NRG1: variants seen among roughly 807,000 people sequenced by gnomAD.
NRG1 encodes the protein pro-neuregulin-1, membrane-bound isoform.
NRG1 carries 18 observed loss-of-function variants against 63.8 expected under a neutral mutation model. That is an observed-to-expected ratio of 0.28 (90% CI 0.19 to 0.42). NRG1 has a LOEUF of 0.42. Among genes scored for constraint, NRG1 ranks in the 10% least tolerant of loss-of-function variants. NRG1 has a pLI of 1.00. For synonymous variants in NRG1, 302 were observed against 301.3 expected (o/e 1.00, Z -0.02); for missense variants, 762 against 814.7 (o/e 0.94, Z 0.79).
intron 1 of NRG1, among the ~76,000 whole-genome samples, chr8:31,954,355 A>T (rs541586254): frequency 1.3e-5 from 2 of 152,308 alleles, no homozygotes; most frequent in South Asian, 4.1e-4. Context: ...TACTGGAGAG[A>T]GAGGTTGAAG....
At chr8:32,493,932 T>G (rs1826897734) in intron 1 of NRG1, among the ~76,000 whole-genome samples, 1 of 152,198 alleles carries the variant, frequency 6.6e-6, no homozygotes, top group Non-Finnish European at 1.5e-5. Flanking sequence ...AGAAGAAATA[T>G]TAAAGGTGTT....
chr8:32,747,158 T>G (rs762447263), intron 7 of NRG1, among the ~76,000 whole-genome samples: 2 of 152,162 alleles, frequency 1.3e-5, no homozygotes, highest in South Asian at 4.1e-4. Context: ...TGCATGGGCA[T>G]GCTACTAATT....
chr8:31,861,563 G>A (rs1310362836), intron 1 of NRG1, among the ~76,000 whole-genome samples: 1 of 152,112 alleles, frequency 6.6e-6, no homozygotes, highest in African/African-American at 2.4e-5. Flanking sequence ...TTCTCACATA[G>A]GGGTCATCAC....
At chr8:31,892,821 C>T (rs571048630) in intron 1 of NRG1, among the ~76,000 whole-genome samples, 5 of 151,914 alleles carry the variant, frequency 3.3e-5, no homozygotes, top group Admixed American at 6.6e-5. Flanking sequence ...TTTAAGCTAA[C>T]GTATTTACTT....
chr8:31,954,846 G>A (rs1479747408), intron 1 of NRG1, among the ~76,000 whole-genome samples: 1 of 152,074 alleles, frequency 6.6e-6, no homozygotes, highest in African/African-American at 2.4e-5. Context: ...AGGTCTCTAG[G>A]CGTTCTAATT....
At chr8:32,321,848 T>C (rs1350128905) in intron 1 of NRG1, among the ~76,000 whole-genome samples, 2 of 65,146 alleles carry the variant, frequency 3.1e-5, no homozygotes, top group African/African-American at 1.2e-4. Flanking sequence ...TTTTGTTTCT[T>C]TGATTTTTTT....
At chr8:32,511,400 A>ATATATATAT (rs1554567530) in intron 1 of NRG1, among the ~76,000 whole-genome samples, 1 of 108,564 alleles carries the variant, frequency 9.2e-6, no homozygotes, top group Non-Finnish European at 2.1e-5. Flanking sequence ...TATATATATA[A>ATATATATAT]ATAAAATAAA....
intron 6 of NRG1, among the ~76,000 whole-genome samples, chr8:32,730,709 G>A (rs1178182652): frequency 6.6e-6 from 1 of 152,056 alleles, no homozygotes; most frequent in Non-Finnish European, 1.5e-5. Flanking sequence ...TAGCAAATTG[G>A]GATGAACCAG....
At chr8:31,769,393 TTCAAGAGGG>T (rs958619720) in intron 1 of NRG1, among the ~76,000 whole-genome samples, 6 of 152,164 alleles carry the variant, frequency 3.9e-5, no homozygotes, top group African/African-American at 1.4e-4. Context: ...AAAGACAGTT[TTCAAGAGGG>T]CATGGCTTCT....
chr8:32,027,474 C>T (rs1242072262), intron 1 of NRG1, among the ~76,000 whole-genome samples: 9 of 138,740 alleles, frequency 6.5e-5, no homozygotes, highest in Non-Finnish European at 1.4e-4. Flanking sequence ...CCTTCCCTCC[C>T]TCCCTCCCTC....
At chr8:31,782,493 G>A (rs996878079) in intron 1 of NRG1, among the ~76,000 whole-genome samples, 1 of 152,104 alleles carries the variant, frequency 6.6e-6, no homozygotes, top group African/African-American at 2.4e-5. Context: ...TGAAGACAGA[G>A]GCTTTATTCC....
At chr8:31,968,782 G>A (rs536997717) in intron 1 of NRG1, among the ~76,000 whole-genome samples, 1 of 152,228 alleles carries the variant, frequency 6.6e-6, no homozygotes, top group African/African-American at 2.4e-5. Flanking sequence ...TTTAGTTTGA[G>A]GGATATGCCA....
intron 4 of NRG1, among the ~76,000 whole-genome samples, chr8:32,615,928 G>A (rs1348691561): frequency 6.6e-6 from 1 of 151,912 alleles, no homozygotes; most frequent in Non-Finnish European, 1.5e-5. Flanking sequence ...TCATTTACAC[G>A]TTTCTGTAAT....
At chr8:31,672,446 C>T (rs1388339375) in intron 1 of NRG1, among the ~76,000 whole-genome samples, 1 of 152,108 alleles carries the variant, frequency 6.6e-6, no homozygotes, top group East Asian at 1.9e-4. Flanking sequence ...ACAAAAGATT[C>T]CTGTGAAGTG....
At chr8:32,249,771 T>G (rs561780556) in intron 1 of NRG1, among the ~76,000 whole-genome samples, 1 of 152,238 alleles carries the variant, frequency 6.6e-6, no homozygotes, top group African/African-American at 2.4e-5. Flanking sequence ...AAGATCCCAG[T>G]GCAGGAGATC....
intron 1 of NRG1, among the ~76,000 whole-genome samples, chr8:31,877,728 C>G (rs1390554599): frequency 6.6e-6 from 1 of 152,020 alleles, no homozygotes; most frequent in East Asian, 1.9e-4. Flanking sequence ...GTGTTCCATC[C>G]TAGGTATTTT....
chr8:31,907,198 T>C (rs986558867), intron 1 of NRG1, among the ~76,000 whole-genome samples: 3 of 145,840 alleles, frequency 2.1e-5, no homozygotes, highest in African/African-American at 7.8e-5. Context: ...TAAATGACAG[T>C]GAAAGAATAT....
intron 1 of NRG1, among the ~76,000 whole-genome samples, chr8:32,274,084 T>A (rs1380562120): frequency 6.6e-6 from 1 of 151,982 alleles, no homozygotes; most frequent in African/African-American, 2.4e-5. Flanking sequence ...AAAAAGAAAA[T>A]CAATCCTAAG....
At chr8:32,435,546 G>C (rs1785551771) in intron 1 of NRG1, among the ~76,000 whole-genome samples, 1 of 152,106 alleles carries the variant, frequency 6.6e-6, no homozygotes. Context: ...TGCTGTTACT[G>C]GAGCACTAGT....
Sources: gnomAD v4.1 joint callset for allele counts (sites outside exome capture counted in the v4.1 genomes callset) on GRCh38, gnomAD v4.1.1 for gene constraint, MANE v1.5 for transcripts, NCBI Gene and HGNC (gene_info 2026-07-23, HGNC 2026-07-21) for gene names.